Variants in THADA observed in about 807,000 individuals in gnomAD.
The protein encoded by THADA is THADA armadillo repeat containing, also known as tRNA (32-2'-O)-methyltransferase regulator THADA.
A neutral mutation model predicts 219.8 loss-of-function variants in THADA; 213 were observed. That is an observed-to-expected ratio of 0.97 (90% CI 0.87 to 1.09). The LOEUF (loss-of-function observed/expected upper bound fraction) is 1.09, where lower values mean the gene tolerates loss of function less well. THADA is among the 50% of genes least tolerant of loss of function. The pLI, the probability that THADA is intolerant of heterozygous loss-of-function variation, is 0.00. For synonymous variants in THADA, 1,018 were observed against 828.9 expected, an observed-to-expected ratio of 1.23 and a Z score of -3.92; for missense variants, 2,956 against 2,311.3, an observed-to-expected ratio of 1.28 and a Z score of -5.72.
intron 28 of THADA, among the ~76,000 whole-genome samples, chr2:43,427,600 T>A: frequency 6.7e-6 from 1 of 148,698 alleles, no homozygotes; most frequent in African/African-American, 2.4e-5. Context: ...TTACATATAA[T>A]ATATATAATA....
chr2:43,455,461 G>A (rs901990597), intron 26 of THADA, among the ~76,000 whole-genome samples: 5 of 151,598 alleles, frequency 3.3e-5, no homozygotes, highest in Non-Finnish European at 5.9e-5. Flanking sequence ...ACTTCTGTCC[G>A]TCATACAAAC....
In THADA at chr2:43,292,127, C is replaced by T. The variant is rs372424140; in HGVS notation, c.4914G>A (p.Thr1638=). The part of the protein sequence containing the change: ...HLTPKEFLIW[T]MDIASNERSE... ...ACCTTTCATTGGAAGCAATATCCAT[C>T]GTCCAGATCAAGAACTCCTTTGGGG... Residue 1638 remains threonine, a synonymous_variant, in exon 33 of 38, where the codon ACG becomes ACA. Transcript: ENST00000405975. 4.1e-4 allele frequency: 662 copies of T among 1,608,598 alleles called. No homozygotes were observed. The highest frequency in any genetic ancestry group is 5.5e-4 in the Non-Finnish European group (645 of 1,177,732).
At chr2:43,550,613 G>A (rs969410583) in intron 19 of THADA, among the ~76,000 whole-genome samples, 1 of 152,070 alleles carries the variant, frequency 6.6e-6, no homozygotes, top group Non-Finnish European at 1.5e-5. Flanking sequence ...AAAGTCTGTG[G>A]GGCAAAGACA....
At chr2:43,375,999 G>A (rs926795372) in intron 29 of THADA, among the ~76,000 whole-genome samples, 1 of 152,126 alleles carries the variant, frequency 6.6e-6, no homozygotes, top group Admixed American at 6.5e-5. Flanking sequence ...ACTAAAAGGG[G>A]CCCCTGAAGC....
chr2:43,261,012 G>A (rs1371919771), intron 36 of THADA, among the ~76,000 whole-genome samples: 1 of 151,366 alleles, frequency 6.6e-6, no homozygotes, highest in Non-Finnish European at 1.5e-5. Flanking sequence ...TTTGTAGAGT[G>A]TTTTTTTTGG....
intron 19 of THADA, among the ~76,000 whole-genome samples, chr2:43,550,489 A>C (rs997362827): frequency 6.6e-6 from 1 of 152,208 alleles, no homozygotes; most frequent in Non-Finnish European, 1.5e-5. Flanking sequence ...ATTCAATTTT[A>C]CAGCTTTCAG....
chr2:43,274,993 C>CTTTTTT lies in THADA; in HGVS notation c.5296+4771_5296+4772insAAAAAA, dbSNP rs202126240. On this transcript the variant is annotated intron_variant, in intron 36 of 37. Transcript: ENST00000405975. ...AAACTGTTTTCCTTTCTTTTCTTTTCTTTTCTTTTTTTTTTTTTTTTGAGG... is the reference window on the plus strand; with the variant it reads ...AAACTGTTTTCCTTTCTTTTCTTTTCTTTTTTTTTTCTTTTTTTTTTTTTTTTGAGG... Among the ~76,000 whole-genome samples, 35 of 121,622 alleles carry CTTTTTT rather than the reference C, an allele frequency of 2.9e-4. 1 individual carries two copies. The highest frequency in any genetic ancestry group is 5.6e-4 in the African/African-American group (18 of 32,270). 79.8% of individuals were successfully genotyped at this position (121,622 alleles called of 152,430 possible).
At chr2:43,400,457 T>TATATATATATATATATATATATATATA (rs1674666200) in intron 28 of THADA, among the ~76,000 whole-genome samples, 2 of 89,902 alleles carry the variant, frequency 2.2e-5, no homozygotes, top group Non-Finnish European at 5.3e-5. Flanking sequence ...ATAGACAAAT[T>TATATATATATATATATATATATATATA]TATATATATA....
intron 30 of THADA, chr2:43,333,412 CTT>C (rs1666019328): frequency 6.6e-6 from 1 of 151,664 alleles, no homozygotes; most frequent in African/African-American, 2.4e-5. Flanking sequence ...GAACCTCTCT[CTT>C]CCAGTAAAAT....
chr2:43,498,975 A>C lies in THADA; in HGVS notation c.3622-20T>G. 1.3e-6 allele frequency: 2 copies of C among 1,552,372 alleles called. No individual in the cohort carries two copies. Among genetic ancestry groups the C allele is most frequent in the Non-Finnish European group, 1.7e-6 (2 of 1,147,370 alleles). ...ATGAACCTAAAACAAGAAGTTCAAA[A>C]TTAGTTGTGGGTTGAAAACCATGGC... On this transcript the variant is annotated intron_variant, in intron 24 of 37. Coordinates refer to ENST00000405975, the MANE Select transcript of THADA (RefSeq NM_022065.5).
chr2:43,255,307 C>T (rs967475582), intron 36 of THADA, among the ~76,000 whole-genome samples: 4 of 152,208 alleles, frequency 2.6e-5, no homozygotes, highest in African/African-American at 9.7e-5. Context: ...ATTATGAACA[C>T]AGAAAACTGT....
intron 34 of THADA, 62 bp from the exon 35 acceptor site, chr2:43,287,123 T>G: frequency 7.9e-6 from 12 of 1,510,666 alleles, no homozygotes; most frequent in Admixed American, 1.9e-5. Flanking sequence ...GACACAGAAT[T>G]AGGGGTGACC....
intron 22 of THADA, among the ~76,000 whole-genome samples, chr2:43,522,653 T>G (rs769755906): frequency 2.6e-5 from 4 of 152,206 alleles, no homozygotes; most frequent in Admixed American, 2.0e-4. Context: ...TTATGAAAAC[T>G]TTTTAAATGA....
intron 36 of THADA, among the ~76,000 whole-genome samples, chr2:43,235,859 T>C (rs1166171723): frequency 6.6e-6 from 1 of 151,344 alleles, no homozygotes; most frequent in Non-Finnish European, 1.5e-5. Flanking sequence ...CAGGCTGGAG[T>C]GCAGTGGCGG....
chr2:43,583,819 G>A (rs930246685), intron 7 of THADA, among the ~76,000 whole-genome samples: 2 of 152,068 alleles, frequency 1.3e-5, no homozygotes, highest in African/African-American at 2.4e-5. Context: ...GGGGCAGGGG[G>A]ACTGCTTGCG....
At chr2:43,498,178 G>A (rs1688503463) in intron 25 of THADA, among the ~76,000 whole-genome samples, 1 of 152,006 alleles carries the variant, frequency 6.6e-6, no homozygotes. Flanking sequence ...TATTAGACCA[G>A]GCAAATCCAC....
intron 17 of THADA, chr2:43,556,101 T>A (rs193080325): frequency 1.1e-6 from 1 of 916,630 alleles, no homozygotes; most frequent in Non-Finnish European, 1.4e-6. Context: ...CATTCTCATT[T>A]CAAAAGAGCT....
chr2:43,386,925 T>C (rs1672763731), intron 29 of THADA, among the ~76,000 whole-genome samples: 1 of 149,874 alleles, frequency 6.7e-6, no homozygotes, highest in African/African-American at 2.5e-5. Flanking sequence ...GCATAATTAC[T>C]ATCTCCGTCA....
At position 43,432,103 on chromosome 2, in the gene THADA, G is replaced by A. The variant is rs1295020532; in HGVS notation, c.3837-1801C>T. 2.2e-4 allele frequency among the ~76,000 whole-genome samples: 30 copies of A among 135,166 alleles called. No homozygotes were observed. In the East Asian group the frequency reaches 3.8e-3, roughly 17 times the overall value. The allele number at this position is 135,166 out of a possible 152,430, so 88.7% of individuals were successfully genotyped here. A position where few individuals can be genotyped will look rare whatever the true frequency, so the allele number is the denominator to read the frequency against. ...GATCTCCTGACCTCGTGATCCGCCC[G>A]CCTCGGCCTCCCAAAGTGCTGGGAT... On this transcript the variant is annotated intron_variant, in intron 26 of 37. Transcript: ENST00000405975.
Sources: allele counts gnomAD v4.1 joint callset (sites outside exome capture counted in the v4.1 genomes callset), GRCh38; gene constraint gnomAD v4.1.1; transcripts MANE v1.5; gene names NCBI Gene and HGNC (gene_info 2026-07-23, HGNC 2026-07-21).